Variants in GPC5 observed in about 807,000 individuals in gnomAD.
GPC5 encodes the protein glypican-5.
GPC5 carries 47 observed loss-of-function variants against 53.9 expected under a neutral mutation model. The observed-to-expected ratio is 0.87, with a 90% confidence interval of 0.69 to 1.11. The LOEUF is 1.11. Ranked by LOEUF, GPC5 falls within the 50% of genes most tolerant of loss-of-function variation. The probability of loss-of-function intolerance (pLI) is 0.00; values close to 1 mark genes in which losing one functional copy is unlikely to be tolerated. For synonymous variants in GPC5, 286 were observed against 263.3 expected (o/e 1.09, Z -0.84); for missense variants, 748 against 713.1 (o/e 1.05, Z -0.56).
chr13:91,983,076 T>TG (rs1255422189), intron 6 of GPC5, among the ~76,000 whole-genome samples: 1 of 151,928 alleles, frequency 6.6e-6, no homozygotes, highest in Non-Finnish European at 1.5e-5. Context: ...CCGGTCGCGG[T>TG]GGCTCACGCC....
intron 6 of GPC5, among the ~76,000 whole-genome samples, chr13:92,129,086 A>G (rs1333357230): frequency 1.1e-4 from 16 of 152,208 alleles, no homozygotes; most frequent in Non-Finnish European, 2.1e-4. Flanking sequence ...CACATTTCTA[A>G]GATTTTGAAG....
intron 7 of GPC5, among the ~76,000 whole-genome samples, chr13:92,331,250 A>G (rs967413233): frequency 6.6e-6 from 1 of 152,144 alleles, no homozygotes; most frequent in African/African-American, 2.4e-5. Flanking sequence ...TTAGTGAAGC[A>G]GAAAACAAAG....
At chr13:92,083,200 A>G (rs1473577880) in intron 6 of GPC5, among the ~76,000 whole-genome samples, 3 of 152,132 alleles carry the variant, frequency 2.0e-5, no homozygotes, top group African/African-American at 7.2e-5. Flanking sequence ...TCTGTTTGCT[A>G]ATGGGGATTC....
intron 2 of GPC5, among the ~76,000 whole-genome samples, chr13:91,518,812 C>T (rs772980210): frequency 6.6e-6 from 1 of 152,208 alleles, no homozygotes; most frequent in Non-Finnish European, 1.5e-5. Flanking sequence ...CTCGGCCTCC[C>T]AAAGTGCTGG....
intron 4 of GPC5, among the ~76,000 whole-genome samples, chr13:91,741,223 CAATTTT>C (rs902447388): frequency 1.5e-4 from 23 of 152,022 alleles, no homozygotes; most frequent in African/African-American, 5.1e-4. Context: ...GAGTTTTTTT[CAATTTT>C]GTCTTCAGAA....
At chr13:92,225,931 T>A (rs2042482748) in intron 7 of GPC5, among the ~76,000 whole-genome samples, 1 of 152,176 alleles carries the variant, frequency 6.6e-6, no homozygotes, top group African/African-American at 2.4e-5. Flanking sequence ...CCTGATATGG[T>A]TTGGCTCTGT....
At chr13:91,553,035 A>G (rs1227245964) in intron 2 of GPC5, among the ~76,000 whole-genome samples, 1 of 152,176 alleles carries the variant, frequency 6.6e-6, no homozygotes, top group Non-Finnish European at 1.5e-5. Flanking sequence ...ACATAAAATA[A>G]TAGTGAATAT....
At position 91,636,604 on chromosome 13, in the gene GPC5, G is replaced by A. The variant is rs189111010; in HGVS notation, c.326-56583G>A. 1.8e-4 allele frequency among the ~76,000 whole-genome samples: 27 copies of A among 152,198 alleles called. No individual in the cohort carries two copies. The East Asian group carries it at 4.1e-3, about 23-fold the overall frequency. The stretch of plus-strand genomic sequence containing the variant: ...TACAGGTAAGATGATCTGCCTCACT[G>A]TACCAAGTACATCTCCCAGTGGCAT... On this transcript the variant is annotated intron_variant, in intron 2 of 7. Transcript: ENST00000377067.
At chr13:92,562,512 G>A (rs1330488704) in intron 7 of GPC5, among the ~76,000 whole-genome samples, 8 of 152,002 alleles carry the variant, frequency 5.3e-5, no homozygotes, top group Non-Finnish European at 1.0e-4. Context: ...TAGATTCCTG[G>A]TTTCTTAATA....
chr13:92,484,420 A>G (rs569531954), intron 7 of GPC5, among the ~76,000 whole-genome samples: 1 of 152,224 alleles, frequency 6.6e-6, no homozygotes, highest in East Asian at 1.9e-4. Flanking sequence ...GTCATGTATT[A>G]TCATTACCAA....
At chr13:92,449,460 A>G (rs1272958700) in intron 7 of GPC5, among the ~76,000 whole-genome samples, 2 of 152,186 alleles carry the variant, frequency 1.3e-5, no homozygotes, top group Non-Finnish European at 2.9e-5. Context: ...TCTATACTTT[A>G]TGTTTAAATA....
At chr13:91,660,212 A>ATTTGGGGC (rs1376941531) in intron 2 of GPC5, among the ~76,000 whole-genome samples, 1 of 152,234 alleles carries the variant, frequency 6.6e-6, no homozygotes, top group Non-Finnish European at 1.5e-5. Context: ...GCTGATTGCT[A>ATTTGGGGC]CAGAGGCTGT....
chr13:92,702,045 G>A (rs1887762706), intron 7 of GPC5, among the ~76,000 whole-genome samples: 1 of 152,092 alleles, frequency 6.6e-6, no homozygotes, highest in African/African-American at 2.4e-5. Flanking sequence ...GATGGGACGT[G>A]CACTCTCCAG....
chr13:92,615,743 C>T (rs1419037283), intron 7 of GPC5, among the ~76,000 whole-genome samples: 1 of 152,138 alleles, frequency 6.6e-6, no homozygotes. Flanking sequence ...ATTTCCCAAA[C>T]TTTTTTGACC....
chr13:92,344,747 C>T (rs532604044), intron 7 of GPC5, among the ~76,000 whole-genome samples: 1 of 152,256 alleles, frequency 6.6e-6, no homozygotes, highest in African/African-American at 2.4e-5. Flanking sequence ...ATCAGGCTCT[C>T]TCAACAGCTT....
chr13:91,703,143 C>G (rs1433720968), intron 3 of GPC5, among the ~76,000 whole-genome samples: 3 of 151,862 alleles, frequency 2.0e-5, no homozygotes, highest in Non-Finnish European at 4.4e-5. Context: ...AACTGTTTCC[C>G]TTTTTATTTG....
intron 5 of GPC5, among the ~76,000 whole-genome samples, chr13:91,796,895 C>T (rs2038055608): frequency 6.6e-6 from 1 of 152,060 alleles, no homozygotes; most frequent in Admixed American, 6.6e-5. Context: ...ATTTCTTTTG[C>T]AAGGGTGTAT....
intron 7 of GPC5, among the ~76,000 whole-genome samples, chr13:92,511,678 C>T (rs991513437): frequency 6.6e-6 from 1 of 152,124 alleles, no homozygotes; most frequent in Non-Finnish European, 1.5e-5. Flanking sequence ...TCCCTTTAAC[C>T]TTAAGAGATG....
At chr13:91,854,161 G>A (rs1184567430) in intron 5 of GPC5, among the ~76,000 whole-genome samples, 1 of 151,716 alleles carries the variant, frequency 6.6e-6, no homozygotes, top group Non-Finnish European at 1.5e-5. Context: ...TCTATAAACA[G>A]TTATAGTATG....
Sources: allele counts gnomAD v4.1 joint callset (sites outside exome capture counted in the v4.1 genomes callset), GRCh38; gene constraint gnomAD v4.1.1; transcripts MANE v1.5; gene names NCBI Gene and HGNC (gene_info 2026-07-23, HGNC 2026-07-21).